SLC14A1: variants seen among roughly 807,000 people sequenced by gnomAD.
SLC14A1 encodes urea transporter 1.
In SLC14A1, 36 loss-of-function variants were observed where a neutral mutation model predicts 39.6. That is an observed-to-expected ratio of 0.91 (90% CI 0.70 to 1.20). The LOEUF (loss-of-function observed/expected upper bound fraction) is 1.20. Among genes scored for constraint, SLC14A1 ranks in the 50% most tolerant of loss-of-function variants. The pLI is 0.00. For synonymous variants in SLC14A1, 164 were observed against 173.6 expected, an observed-to-expected ratio of 0.94 and a Z score of 0.43; for missense variants, 469 against 478.7, an observed-to-expected ratio of 0.98 and a Z score of 0.19.
chr18:45,739,764 T>C, intron 8 of SLC14A1, 102 bp downstream of exon 8: 2 of 1,532,116 alleles, frequency 1.3e-6, no homozygotes, highest in Non-Finnish European at 1.8e-6. Context: ...GGGCCAGGGT[T>C]CTGGCTTGAG....
At chr18:45,738,474 C>A (rs1285266584) in intron 6 of SLC14A1, among the ~76,000 whole-genome samples, 3 of 152,178 alleles carry the variant, frequency 2.0e-5, no homozygotes, top group Non-Finnish European at 4.4e-5. Flanking sequence ...CAGGCCTCAG[C>A]CAGAAAGTAG....
At chr18:45,738,765 A>C (rs1368571221) in intron 6 of SLC14A1, among the ~76,000 whole-genome samples, 1 of 152,138 alleles carries the variant, frequency 6.6e-6, no homozygotes, top group Non-Finnish European at 1.5e-5. Context: ...ACACTGATGG[A>C]CATTTGAAAG....
rs1171001909 is a variant in SLC14A1, at chr18:45,731,081, A to G, written c.218A>G (p.Asn73Ser). 8.1e-6 allele frequency: 13 copies of G among 1,614,180 alleles called. No individual in the cohort carries two copies. The highest frequency in any genetic ancestry group is 2.7e-5 in the African/African-American group (2 of 75,040). ...LRGISQVVFV[N>S]NPVSGILILV... ...GGCATATCCCAAGTGGTGTTCGTCAACAACCCCGTCAGTGGAATCCTGATT... is the reference window on the plus strand; with the variant it reads ...GGCATATCCCAAGTGGTGTTCGTCAGCAACCCCGTCAGTGGAATCCTGATT... The change falls in exon 4 of 10, where the codon AAC (asparagine) becomes AGC (serine). Residue 73 changes from asparagine to serine, a missense_variant. Coordinates refer to ENST00000321925, the MANE Select transcript of SLC14A1 (RefSeq NM_015865.7).
chr18:45,750,507 G>A lies in SLC14A1; in HGVS notation c.*556G>A. 3 of 1,014,778 alleles carry A rather than the reference G, an allele frequency of 3.0e-6. No individual in the cohort carries two copies. In the South Asian group the frequency reaches 1.2e-4, roughly 41 times the overall value. The allele number at this position is 1,014,778 out of a possible 1,614,324, so 62.9% of individuals were successfully genotyped here. ...CAGTCCCCACTTCCTGCAAACAATG[G>A]CCTGCACCCTATCCCTTGTGTGTGT... On this transcript the variant is annotated 3_prime_UTR_variant, in exon 10 of 10. Coordinates refer to ENST00000321925, the MANE Select transcript of SLC14A1 (RefSeq NM_015865.7).
chr18:45,747,968 T>C (rs963111451), intron 8 of SLC14A1, among the ~76,000 whole-genome samples: 1 of 152,242 alleles, frequency 6.6e-6, no homozygotes, highest in African/African-American at 2.4e-5. Flanking sequence ...TTCATTTTAA[T>C]TCAGCTATGC....
intron 4 of SLC14A1, 131 bp downstream of exon 4, chr18:45,731,335 T>C (rs1425556695): frequency 4.1e-5 from 37 of 904,438 alleles, no homozygotes; most frequent in Non-Finnish European, 6.1e-5. Context: ...ACTGTTTATA[T>C]TTGTTTTTAG....
rs1230913050 is a variant in SLC14A1 at position 45,736,510 on chromosome 18, C to G, written c.525C>G (p.Val175=). Residue 175 remains valine, a synonymous_variant, in exon 6 of 10, where the codon GTC becomes GTG. Transcript: ENST00000321925. ...TGCTCAGCAAATGGGACCTCCCCGT[C>G]TTCACCCTCCCTTTCAACATGGCGT... ...NSMLSKWDLP[V]FTLPFNMALS... 1 of 1,614,016 alleles carries G rather than the reference C, an allele frequency of 6.2e-7. No homozygotes were observed. Among genetic ancestry groups the G allele is most frequent in the Non-Finnish European group, 8.5e-7 (1 of 1,179,858 alleles).
At chr18:45,728,399 T>G (rs569567128) in intron 2 of SLC14A1, among the ~76,000 whole-genome samples, 1 of 152,336 alleles carries the variant, frequency 6.6e-6, no homozygotes, top group East Asian at 1.9e-4. Flanking sequence ...GTGTTTTCAT[T>G]TGATGCTGCC....
At chr18:45,725,572 C>T (rs1029494244) in intron 2 of SLC14A1, among the ~76,000 whole-genome samples, 24 of 152,192 alleles carry the variant, frequency 1.6e-4, no homozygotes, top group African/African-American at 5.3e-4. Flanking sequence ...AGTCTGTGCC[C>T]ACCGCATCGC....
At chr18:45,730,628 C>T (rs1474813015) in intron 3 of SLC14A1, among the ~76,000 whole-genome samples, 157 bp downstream of exon 3, 1 of 152,158 alleles carries the variant, frequency 6.6e-6, no homozygotes, top group African/African-American at 2.4e-5. Context: ...CTGCAAACCT[C>T]TCCATTTTTT....
At chr18:45,730,094 G>A (rs796643889) in intron 2 of SLC14A1, 22 of 493,810 alleles carry the variant, frequency 4.5e-5, no homozygotes, top group African/African-American at 3.8e-4. Context: ...CATTCTCATG[G>A]TAGCATTACA....
At chr18:45,731,268 T>C in intron 4 of SLC14A1, 64 bp downstream of exon 4, 2 of 1,452,516 alleles carry the variant, frequency 1.4e-6, no homozygotes, top group Non-Finnish European at 1.9e-6. Context: ...CCAGTTACTG[T>C]GGGCAACAGT....
intron 8 of SLC14A1, chr18:45,740,005 T>G: frequency 2.7e-6 from 1 of 373,198 alleles, no homozygotes; most frequent in Non-Finnish European, 5.2e-6. Flanking sequence ...CACACATGCC[T>G]TCTCAAAGCT....
rs115343905 is a variant in SLC14A1, at chr18:45,738,309, A to G, written c.664-854A>G. Among the ~76,000 whole-genome samples the G allele has an allele frequency of 6.3e-3, 967 of 152,326 alleles. 7 individuals are homozygous for G. Among genetic ancestry groups the G allele is most frequent in the African/African-American group, 0.022 (929 of 41,560 alleles). On this transcript the variant is annotated intron_variant, in intron 6 of 9. Transcript: ENST00000321925. ...ATGGGAACTGAGGAAAACATCTTTC[A>G]GTAAATGGCCTTGCTCAAAAGGGAC...
At chr18:45,749,243 T>A (rs1445451906) in intron 9 of SLC14A1, among the ~76,000 whole-genome samples, 5 of 152,104 alleles carry the variant, frequency 3.3e-5, no homozygotes, top group Non-Finnish European at 7.3e-5. Flanking sequence ...AGGTCAGAGC[T>A]AACCAATGGT....
intron 8 of SLC14A1, among the ~76,000 whole-genome samples, chr18:45,741,957 A>G (rs2047389256): frequency 6.6e-6 from 1 of 152,226 alleles, no homozygotes; most frequent in African/African-American, 2.4e-5. Flanking sequence ...CACACATGAT[A>G]CAAAAGACAG....
At chr18:45,730,963 A>C (rs1172786168) in intron 3 of SLC14A1, 52 bp from the exon 4 acceptor site, 2 of 1,540,076 alleles carry the variant, frequency 1.3e-6, no homozygotes, top group Non-Finnish European at 1.8e-6. Flanking sequence ...CCTGTGGTTG[A>C]AGAGTATCAC....
At chr18:45,738,200 A>C (rs995098627) in intron 6 of SLC14A1, among the ~76,000 whole-genome samples, 16 of 152,200 alleles carry the variant, frequency 1.1e-4, no homozygotes, top group Non-Finnish European at 1.8e-4. Flanking sequence ...CCCTTGTGCC[A>C]AAGCTGGGGC....
chr18:45,749,149 T>C (rs1276125365), intron 9 of SLC14A1, among the ~76,000 whole-genome samples: 2 of 152,054 alleles, frequency 1.3e-5, no homozygotes, highest in Non-Finnish European at 2.9e-5. Flanking sequence ...CTGTGTTTTT[T>C]TTTAACTCCC....
Sources: gnomAD v4.1 joint callset for allele counts (sites outside exome capture counted in the v4.1 genomes callset) on GRCh38, gnomAD v4.1.1 for gene constraint, MANE v1.5 for transcripts, NCBI Gene and HGNC (gene_info 2026-07-23, HGNC 2026-07-21) for gene names.